Variants in RNF152 observed in about 807,000 individuals in gnomAD.
RNF152 encodes ring finger protein 152.
In RNF152, 11 loss-of-function variants were observed where a neutral mutation model predicts 12.7. The ratio of observed to expected loss-of-function variants is 0.86; its 90% CI spans 0.54 to 1.43. The LOEUF (loss-of-function observed/expected upper bound fraction) is 1.43, where lower values mean the gene tolerates loss of function less well. Ranked by LOEUF, RNF152 falls within the 40% of genes most tolerant of loss-of-function variation. RNF152 has a pLI of 0.00. For missense variants in RNF152, 255 were observed against 274.8 expected, an observed-to-expected ratio of 0.93 and a Z score of 0.51; for synonymous variants, 113 against 120.3, an observed-to-expected ratio of 0.94 and a Z score of 0.40.
chr18:61,855,432 C>T (rs1911178619), intron 1 of RNF152, among the ~76,000 whole-genome samples: 1 of 152,236 alleles, frequency 6.6e-6, no homozygotes, highest in African/African-American at 2.4e-5. Context: ...GTTCCATAGC[C>T]CTTACCTAGG....
In RNF152 at chr18:61,854,116, G is replaced by C. The variant is rs75241914; in HGVS notation, c.-135-37518C>G. On this transcript the variant is annotated intron_variant, in intron 1 of 1. Transcript: ENST00000312828. ...GCTTATTGACTCCCCGTGACAAGGT[G>C]ATGTTTGCAATATTTTTTTCTTTTC... is the stretch of plus-strand genomic sequence containing the variant. 2.2e-4 allele frequency among the ~76,000 whole-genome samples: 34 copies of C among 152,260 alleles called. No homozygotes were observed. The East Asian group carries it at 2.3e-3, about 10-fold the overall frequency.
Position 61,811,591 on chromosome 18 carries a change from C to A in RNF152, c.*4261G>T, listed in dbSNP as rs1300992666. On this transcript the variant is annotated 3_prime_UTR_variant, in exon 2 of 2. Transcript: ENST00000312828. ...AAAATGATGCCCACATATGCCCACA[C>A]CAAATACAACGACAAGCTGGCCAAC... 2 of 152,162 alleles carry A rather than the reference C, an allele frequency of 1.3e-5. No homozygotes were observed. The highest frequency in any genetic ancestry group is 4.8e-5 in the African/African-American group (2 of 41,436). The allele number at this position is 152,162 out of a possible 1,614,324, so 9.4% of individuals were successfully genotyped here. A position where few individuals can be genotyped will look rare whatever the true frequency, so the allele number is the denominator to read the frequency against.
intron 1 of RNF152, among the ~76,000 whole-genome samples, chr18:61,865,942 A>C (rs991341005): frequency 6.6e-6 from 1 of 152,252 alleles, no homozygotes; most frequent in African/African-American, 2.4e-5. Context: ...TAGAGTCATC[A>C]TGTTGTCCAA....
chr18:61,863,711 T>C (rs1033657072), intron 1 of RNF152, among the ~76,000 whole-genome samples: 6 of 152,186 alleles, frequency 3.9e-5, no homozygotes, highest in Non-Finnish European at 7.3e-5. Flanking sequence ...TTCCTGATTC[T>C]GGGCTTCGAA....
chr18:61,850,729 G>T (rs1287170732), intron 1 of RNF152, among the ~76,000 whole-genome samples: 1 of 152,162 alleles, frequency 6.6e-6, no homozygotes, highest in African/African-American at 2.4e-5. Context: ...AAACAGAGAG[G>T]TTAAAATATA....
At chr18:61,841,735 G>A (rs929558847) in intron 1 of RNF152, among the ~76,000 whole-genome samples, 3 of 152,166 alleles carry the variant, frequency 2.0e-5, no homozygotes, top group Middle Eastern at 3.2e-3. Flanking sequence ...CCATGAAACC[G>A]CAAGTGAAGA....
chr18:61,874,838 T>C (rs1007459781), intron 1 of RNF152, among the ~76,000 whole-genome samples: 3 of 152,232 alleles, frequency 2.0e-5, no homozygotes, highest in African/African-American at 4.8e-5. Context: ...GTGTATTTTA[T>C]TTCAGCTGGG....
At chr18:61,834,108 T>A (rs1910075046) in intron 1 of RNF152, among the ~76,000 whole-genome samples, 1 of 152,226 alleles carries the variant, frequency 6.6e-6, no homozygotes, top group Non-Finnish European at 1.5e-5. Flanking sequence ...AATCTTATTT[T>A]TGTTACGTCC....
chr18:61,835,881 C>G (rs1458168253), intron 1 of RNF152, among the ~76,000 whole-genome samples: 1 of 152,112 alleles, frequency 6.6e-6, no homozygotes, highest in African/African-American at 2.4e-5. Context: ...AAATAAGCAA[C>G]CAGATTGATA....
chr18:61,884,543 T>A (rs959785212), intron 1 of RNF152, among the ~76,000 whole-genome samples: 12 of 152,052 alleles, frequency 7.9e-5, no homozygotes, highest in African/African-American at 2.9e-4. Context: ...TGGTAAAACA[T>A]AGGCATTCAA....
In RNF152 at chr18:61,810,327, T is replaced by C. The variant is rs2144595835; in HGVS notation, c.*5525A>G. On this transcript the variant is annotated 3_prime_UTR_variant, in exon 2 of 2. Transcript: ENST00000312828. ...CAGTTGTGTCAGAAAAATCAATGGC[T>C]TGAATTTCCACTTATCTTTTAGAAG... The C allele has an allele frequency of 6.6e-6, 1 of 151,968 alleles. No individual in the cohort carries two copies. Among genetic ancestry groups the C allele is most frequent in the Non-Finnish European group, 1.5e-5 (1 of 67,930 alleles). The allele number at this position is 151,968 out of a possible 1,614,324, so 9.4% of individuals were successfully genotyped here.
At chr18:61,845,314 T>C (rs1422686622) in intron 1 of RNF152, among the ~76,000 whole-genome samples, 3 of 152,238 alleles carry the variant, frequency 2.0e-5, no homozygotes, top group Non-Finnish European at 4.4e-5. Context: ...AGAAGAGCAA[T>C]GCTAGGGATC....
rs141760515 is a variant in RNF152 at position 61,809,568 on chromosome 18, T to C, written c.*6284A>G. 10 of 152,288 alleles carry C rather than the reference T, an allele frequency of 6.6e-5. No homozygotes were observed. Among genetic ancestry groups the C allele is most frequent in the Non-Finnish European group, 1.3e-4 (9 of 68,022 alleles). 9.4% of individuals were successfully genotyped at this position (152,288 alleles called of 1,614,324 possible). On this transcript the variant is annotated 3_prime_UTR_variant, in exon 2 of 2. Coordinates refer to ENST00000312828, the MANE Select transcript of RNF152 (RefSeq NM_173557.3). ...TACAGAAGACTTTCACATGGGCTAC[T>C]AGCCCTACATCCCATGGAAATAAAT...
At position 61,816,095 on chromosome 18, in the gene RNF152, G is replaced by A. The variant is rs779525357; in HGVS notation, c.369C>T (p.Pro123=). The change falls in exon 2 of 2, where the codon CCC becomes CCT. Residue 123 remains proline, a synonymous_variant. Coordinates refer to ENST00000312828, the MANE Select transcript of RNF152 (RefSeq NM_173557.3). ...LPGDMGCRLL[P]GSQQKSVTVV... is the part of the protein sequence containing the mutation. ...CGGTGACGGACTTCTGCTGGCTCCCGGGCAGCAGGCGGCAGCCCATGTCTC... is the reference window on the plus strand; with the variant it reads ...CGGTGACGGACTTCTGCTGGCTCCCAGGCAGCAGGCGGCAGCCCATGTCTC... 46 of 1,614,006 alleles carry A rather than the reference G, an allele frequency of 2.9e-5. No individual in the cohort carries two copies. The highest frequency in any genetic ancestry group is 1.6e-4 in the African/African-American group (12 of 74,938).
At chr18:61,847,383 G>C (rs959257129) in intron 1 of RNF152, among the ~76,000 whole-genome samples, 15 of 152,322 alleles carry the variant, frequency 9.8e-5, no homozygotes, top group Admixed American at 7.8e-4. Flanking sequence ...GCTCTAAAAA[G>C]AGGTTTGGTA....
chr18:61,820,799 A>C (rs1239231848), intron 1 of RNF152, among the ~76,000 whole-genome samples: 1 of 152,196 alleles, frequency 6.6e-6, no homozygotes, highest in Admixed American at 6.5e-5. Flanking sequence ...GAAGTAGCTC[A>C]GCAGAGTGGG....
intron 1 of RNF152, among the ~76,000 whole-genome samples, chr18:61,871,991 A>G (rs1405000721): frequency 1.3e-5 from 2 of 152,198 alleles, no homozygotes; most frequent in East Asian, 1.9e-4. Flanking sequence ...TAATTTATAA[A>G]GAAAAGAGGC....
At chr18:61,842,763 T>C (rs922101942) in intron 1 of RNF152, among the ~76,000 whole-genome samples, 1 of 152,184 alleles carries the variant, frequency 6.6e-6, no homozygotes, top group East Asian at 1.9e-4. Context: ...TCACATCTTA[T>C]GTGGACAGCA....
intron 1 of RNF152, among the ~76,000 whole-genome samples, chr18:61,846,684 A>C (rs747877531): frequency 2.6e-5 from 4 of 152,222 alleles, no homozygotes; most frequent in Non-Finnish European, 5.9e-5. Flanking sequence ...CTGGCACCAG[A>C]AAGGTATTCT....
Sources: allele counts gnomAD v4.1 joint callset (sites outside exome capture counted in the v4.1 genomes callset), GRCh38; gene constraint gnomAD v4.1.1; transcripts MANE v1.5; gene names NCBI Gene and HGNC (gene_info 2026-07-23, HGNC 2026-07-21).